The following PACS1 variants were observed in gnomAD, a reference collection of about 807,000 sequenced individuals.
The protein encoded by PACS1 is phosphofurin acidic cluster sorting protein 1, also known as PACS-1.
A neutral mutation model predicts 115.0 loss-of-function variants in PACS1; 24 were observed. The observed-to-expected ratio is 0.21, with a 90% CI of 0.15 to 0.29. The LOEUF (loss-of-function observed/expected upper bound fraction) is 0.29, where lower values mean the gene tolerates loss of function less well. Ranked by LOEUF, PACS1 falls within the 10% of genes least tolerant of loss-of-function variation. The pLI is 1.00. For missense variants in PACS1, 838 were observed against 1,251.2 expected, an observed-to-expected ratio of 0.67 and a Z score of 4.98; for synonymous variants, 453 against 504.5, an observed-to-expected ratio of 0.90 and a Z score of 1.37.
intron 1 of PACS1, among the ~76,000 whole-genome samples, chr11:66,144,465 A>T (rs1031921331): frequency 6.6e-6 from 1 of 152,250 alleles, no homozygotes; most frequent in Non-Finnish European, 1.5e-5. Context: ...GAATGAAGGT[A>T]AAACTTGCTC....
chr11:66,227,400 T>TCA (rs1855489050), intron 10 of PACS1, 104 bp from the exon 11 acceptor site: 1 of 684,760 alleles, frequency 1.5e-6, no homozygotes, highest in Non-Finnish European at 2.5e-6. Flanking sequence ...TTTATGAGGT[T>TCA]TGAGATTAAA....
At chr11:66,092,526 A>G (rs932969262) in intron 1 of PACS1, among the ~76,000 whole-genome samples, 14 of 151,714 alleles carry the variant, frequency 9.2e-5, no homozygotes, top group African/African-American at 3.1e-4. Flanking sequence ...CTTGAGTTTA[A>G]TTAGATCCCA....
At chr11:66,196,878 A>G (rs888992500) in intron 2 of PACS1, among the ~76,000 whole-genome samples, 1 of 152,154 alleles carries the variant, frequency 6.6e-6, no homozygotes, top group Admixed American at 6.5e-5. Context: ...GATTACAGGC[A>G]TGAGCTACCA....
At chr11:66,176,626 C>T (rs1374644996) in intron 1 of PACS1, among the ~76,000 whole-genome samples, 1 of 152,096 alleles carries the variant, frequency 6.6e-6, no homozygotes, top group Non-Finnish European at 1.5e-5. Flanking sequence ...GTTGGTCAGG[C>T]TGGTCTCAGA....
At chr11:66,097,661 T>G (rs551204194) in intron 1 of PACS1, among the ~76,000 whole-genome samples, 1 of 152,352 alleles carries the variant, frequency 6.6e-6, no homozygotes, top group East Asian at 1.9e-4. Flanking sequence ...TTTGCTAGTA[T>G]TATTATGCTA....
At chr11:66,097,333 C>T (rs141526294) in intron 1 of PACS1, among the ~76,000 whole-genome samples, 2,025 of 152,276 alleles carry the variant, frequency 0.013, 25 homozygotes, top group Non-Finnish European at 0.019. Flanking sequence ...AGGAGACTCT[C>T]TCCCTTGCTG....
At chr11:66,162,199 G>A (rs879745273) in intron 1 of PACS1, among the ~76,000 whole-genome samples, 13 of 123,962 alleles carry the variant, frequency 1.0e-4, no homozygotes, top group Non-Finnish European at 1.4e-4. Context: ...TCAGCTCACC[G>A]CAACCTCTGC....
Position 66,233,957 on chromosome 11 carries a change from C to G in PACS1, c.1993+18C>G. 1.9e-6 allele frequency: 3 copies of G among 1,567,550 alleles called. No individual in the cohort carries two copies. The highest frequency in any genetic ancestry group is 2.6e-6 in the Non-Finnish European group (3 of 1,153,636). On this transcript the variant is annotated intron_variant, in intron 16 of 23. Coordinates refer to ENST00000320580, the MANE Select transcript of PACS1 (RefSeq NM_018026.4). This position sits in a 1 kb window ranked among gnomAD's most constrained non-coding sequence, Gnocchi z 4.5. ...CCCCCTCGGTAAAGACGGGAGGCACCAGGAGGGCGTCGGGCATGAGGGTTC... is the reference window on the plus strand; with the variant it reads ...CCCCCTCGGTAAAGACGGGAGGCACGAGGAGGGCGTCGGGCATGAGGGTTC...
intron 1 of PACS1, among the ~76,000 whole-genome samples, chr11:66,188,222 C>G (rs569447892): frequency 1.4e-4 from 19 of 136,746 alleles, no homozygotes; most frequent in African/African-American, 5.3e-4. Flanking sequence ...GGGTATTAAT[C>G]CCCCCATCAG....
At chr11:66,210,753 G>A (rs1324506655) in intron 3 of PACS1, among the ~76,000 whole-genome samples, 1 of 152,204 alleles carries the variant, frequency 6.6e-6, no homozygotes, top group African/African-American at 2.4e-5. Flanking sequence ...CGCACACCCC[G>A]TGGACTGTGC....
chr11:66,134,339 C>T (rs1371090001), intron 1 of PACS1, among the ~76,000 whole-genome samples: 2 of 132,122 alleles, frequency 1.5e-5, no homozygotes, highest in Non-Finnish European at 3.1e-5. Flanking sequence ...TCGCTCGGCT[C>T]ACTGCAACCT....
intron 2 of PACS1, among the ~76,000 whole-genome samples, chr11:66,200,082 G>A (rs188140729): frequency 6.6e-6 from 1 of 152,160 alleles, no homozygotes; most frequent in African/African-American, 2.4e-5. Context: ...AGGCACAGTG[G>A]CTCATGCCTA....
Position 66,234,114 on chromosome 11 carries a change from TG to T in PACS1, c.1994-16del. On this transcript the variant is annotated splice_polypyrimidine_tract_variant and intron_variant, in intron 16 of 23. Transcript: ENST00000320580. ...CATCTCCTGACGAATTCACCACCTC[TG>T]GTTTTCCATCTACCAGGTTCTCACC... The T allele has an allele frequency of 6.3e-7, 1 of 1,584,862 alleles. No homozygotes were observed. Among genetic ancestry groups the T allele is most frequent in the Non-Finnish European group, 8.7e-7 (1 of 1,153,252 alleles).
chr11:66,242,219 G>A (rs966209756), intron 22 of PACS1, among the ~76,000 whole-genome samples: 12 of 152,162 alleles, frequency 7.9e-5, no homozygotes, highest in Non-Finnish European at 1.2e-4. Flanking sequence ...CCAGTGCTGC[G>A]GCAGCGCCTG....
chr11:66,227,048 A>C (rs58244723), intron 10 of PACS1, among the ~76,000 whole-genome samples: 5,928 of 152,252 alleles, frequency 0.039, 313 homozygotes, highest in East Asian at 0.17. Flanking sequence ...GTTCCCACCA[A>C]GCAAAAAGCA....
chr11:66,191,242 A>T (rs1854513143), intron 1 of PACS1, among the ~76,000 whole-genome samples: 1 of 151,210 alleles, frequency 6.6e-6, no homozygotes, highest in South Asian at 2.1e-4. Flanking sequence ...TCCTCCTTTG[A>T]CTCTTTCCTC....
intron 1 of PACS1, among the ~76,000 whole-genome samples, chr11:66,124,086 C>T (rs759618240): frequency 1.2e-4 from 18 of 152,290 alleles, no homozygotes; most frequent in Admixed American, 3.3e-4. Context: ...GTAAAAAAGA[C>T]GGAACTGTTT....
intron 2 of PACS1, among the ~76,000 whole-genome samples, chr11:66,196,331 G>A (rs1854649460): frequency 6.6e-6 from 1 of 152,228 alleles, no homozygotes; most frequent in African/African-American, 2.4e-5. Context: ...TTCATATTTT[G>A]TGTGATGAGA....
intron 9 of PACS1, among the ~76,000 whole-genome samples, 170 bp downstream of exon 9, chr11:66,220,961 G>GGAAC (rs1262606026): frequency 6.6e-6 from 1 of 152,100 alleles, no homozygotes; most frequent in Non-Finnish European, 1.5e-5. Flanking sequence ...ACTGACAGAA[G>GGAAC]TCCTATAGGA....
Sources: allele counts gnomAD v4.1 joint callset (sites outside exome capture counted in the v4.1 genomes callset), GRCh38; gene constraint gnomAD v4.1.1; non-coding constraint Gnocchi (gnomAD v3.1); transcripts MANE v1.5; gene names NCBI Gene and HGNC (gene_info 2026-07-23, HGNC 2026-07-21).